Variants in PAICS observed in about 807,000 individuals in gnomAD.
The protein encoded by PAICS is bifunctional phosphoribosylaminoimidazole carboxylase/phosphoribosylaminoimidazole succinocarboxamide synthetase.
Under a neutral mutation model 53.7 loss-of-function variants are expected in PAICS, and 33 were observed. The observed-to-expected ratio is 0.61, with a 90% CI of 0.47 to 0.82. The LOEUF (loss-of-function observed/expected upper bound fraction) is 0.82, where lower values mean the gene tolerates loss of function less well. PAICS is among the 40% of genes least tolerant of loss of function. The pLI is 0.00. For missense variants in PAICS, 394 were observed against 494.1 expected, an observed-to-expected ratio of 0.80 and a Z score of 1.92; for synonymous variants, 141 against 167.2, an observed-to-expected ratio of 0.84 and a Z score of 1.21.
chr4:56,425,373 T>C, the PAICS span: 5,153 of 738,352 alleles, frequency 7.0e-3, 248 homozygotes, highest in African/African-American at 0.091. Flanking sequence ...AATCCAATAG[T>C]ACATCCAGAT....
chr4:56,446,349 T>A, intron 2 of PAICS: 1 of 717,736 alleles, frequency 1.4e-6, no homozygotes, highest in East Asian at 2.7e-5. Context: ...TGAATTTGCC[T>A]ATTCTAGTTA....
At chr4:56,436,448 G>T (rs1048163879) in intron 1 of PAICS, 120 bp downstream of exon 1, 34 of 872,292 alleles carry the variant, frequency 3.9e-5, no homozygotes, top group Non-Finnish European at 6.1e-5. Context: ...CTAGGCAGCC[G>T]CGCGGGCGCA....
chr4:56,425,251 A>C, the PAICS span: 5 of 153,928 alleles, frequency 3.2e-5, no homozygotes, highest in Admixed American at 1.3e-4. Context: ...ATATTTAAAC[A>C]CTTTTGTATA....
chr4:56,428,361 A>C, the PAICS span, among the ~76,000 whole-genome samples: 1 of 152,218 alleles, frequency 6.6e-6, no homozygotes, highest in East Asian at 1.9e-4. Flanking sequence ...CTGATGAAAA[A>C]ATTAAGCGAA....
chr4:56,460,594 G>C lies in PAICS; in HGVS notation c.*1056G>C, dbSNP rs949873752. 8 of 152,138 alleles carry C rather than the reference G, an allele frequency of 5.3e-5. No homozygotes were observed. The highest frequency in any genetic ancestry group is 1.7e-4 in the African/African-American group (7 of 41,396). The allele number at this position is 152,138 out of a possible 1,614,324, so 9.4% of individuals were successfully genotyped here. A position where few individuals can be genotyped will look rare whatever the true frequency, so the allele number is the denominator to read the frequency against. ...ATACATGCTGTTGACCCTCTCTGTA[G>C]AAAACCGCACACATAAAACTTACCA... On this transcript the variant is annotated 3_prime_UTR_variant, in exon 9 of 9. Transcript: ENST00000512576.
the PAICS span, among the ~76,000 whole-genome samples, chr4:56,413,026 C>T: frequency 6.6e-6 from 1 of 152,024 alleles, no homozygotes; most frequent in Admixed American, 6.5e-5. Flanking sequence ...CACCCCCATG[C>T]AAATGATACT....
chr4:56,454,485 G>A (rs79319986), intron 8 of PAICS, among the ~76,000 whole-genome samples: 7,534 of 152,126 alleles, frequency 0.05, 604 homozygotes, highest in African/African-American at 0.17. Context: ...AAAGACTAGT[G>A]GTAGTTTCTT....
At chr4:56,441,955 T>G in intron 2 of PAICS, 95 bp downstream of exon 2, 1 of 777,022 alleles carries the variant, frequency 1.3e-6, no homozygotes, top group African/African-American at 1.8e-5. Context: ...ACAACTTGTT[T>G]GCAGATGTCT....
the PAICS span, among the ~76,000 whole-genome samples, chr4:56,412,664 T>A: frequency 3.3e-5 from 5 of 152,338 alleles, no homozygotes; most frequent in East Asian, 9.6e-4. Flanking sequence ...CAGAAACATT[T>A]GAGATATCCT....
chr4:56,448,817 C>G lies in PAICS; in HGVS notation c.681C>G (p.Asp227Glu). 6.6e-7 allele frequency: 1 copy of G among 1,512,720 alleles called. No individual in the cohort carries two copies. Among genetic ancestry groups the G allele is most frequent in the Non-Finnish European group, 9.1e-7 (1 of 1,098,182 alleles). 93.7% of individuals were successfully genotyped at this position (1,512,720 alleles called of 1,614,324 possible). Residue 227 changes from aspartate (D) to glutamate (E), a missense_variant, in exon 5 of 9, where the codon GAC (aspartate) becomes GAG (glutamate). Physicochemically the swap from Asp to Glu is conservative, Grantham distance 45 (BLOSUM62 2). This residue lies in a region of PAICS where 131 missense variants were observed against 205.5 expected (regional missense o/e 0.64). Transcript: ENST00000512576. ...CAGGAGATCGAAGCCAACAGAAAGA[C>G]AAACAGGTAGATAATGCTTCAGGTT... Reference protein sequence around the residue: ...WPSGDRSQQKDKQSYRDLKEV... With the variant: ...WPSGDRSQQKEKQSYRDLKEV...
chr4:56,414,879 C>A, the PAICS span, among the ~76,000 whole-genome samples: 1 of 152,202 alleles, frequency 6.6e-6, no homozygotes, highest in Admixed American at 6.5e-5. Flanking sequence ...CATTCCTCGA[C>A]AACATTTTAG....
Position 56,441,833 on chromosome 4 carries a change from T to A in PAICS, c.187T>A (p.Cys63Ser). 6.3e-7 allele frequency: 1 copy of A among 1,597,688 alleles called. No homozygotes were observed. The highest frequency in any genetic ancestry group is 8.5e-7 in the Non-Finnish European group (1 of 1,171,784). The change falls in exon 2 of 9, where the codon TGT (cysteine) becomes AGT (serine). Residue 63 changes from cysteine to serine, a missense_variant. By Grantham distance (112) the Cys-to-Ser change is moderately radical (BLOSUM62 -1). Transcript: ENST00000512576. ...TGCAATCTCAAATAAAATCACCAGT[T>A]GTATTTTTCAGTTATTACAGGAAGC... ...KAAISNKITS[C>S]IFQLLQEAGI...
intron 8 of PAICS, among the ~76,000 whole-genome samples, chr4:56,455,632 A>T (rs1719155075): frequency 6.6e-6 from 1 of 152,228 alleles, no homozygotes; most frequent in South Asian, 2.1e-4. Flanking sequence ...GTGTATATTG[A>T]AGCCCTATAC....
At chr4:56,414,557 C>A in the PAICS span, among the ~76,000 whole-genome samples, 1 of 152,224 alleles carries the variant, frequency 6.6e-6, no homozygotes, top group Non-Finnish European at 1.5e-5. Flanking sequence ...AAGACTTTCA[C>A]TTTAAAATCT....
chr4:56,433,090 T>C (rs962011907), upstream of PAICS, among the ~76,000 whole-genome samples: 1 of 151,710 alleles, frequency 6.6e-6, no homozygotes, highest in African/African-American at 2.4e-5. Flanking sequence ...ATAATTGTAT[T>C]TCCAAGACAT....
chr4:56,428,574 G>C, the PAICS span, among the ~76,000 whole-genome samples: 1 of 151,952 alleles, frequency 6.6e-6, no homozygotes. Context: ...TGCATCCTAA[G>C]AAAACCAACT....
rs549676093 is a variant in PAICS, at chr4:56,457,383, G to A, written c.1112-1989G>A. On this transcript the variant is annotated intron_variant, in intron 8 of 8. Transcript: ENST00000512576. ...AGCCGTGATTGCACCACTGCACTCCGGATGACAGAGCGAGACCGTGTCTCA... is the reference window on the plus strand; with the variant it reads ...AGCCGTGATTGCACCACTGCACTCCAGATGACAGAGCGAGACCGTGTCTCA... Among the ~76,000 whole-genome samples, 128 of 152,218 alleles carry A rather than the reference G, an allele frequency of 8.4e-4. 5 individuals carry two copies. The South Asian group carries it at 0.025, about 29-fold the overall frequency.
chr4:56,436,749 C>A (rs1286178742), intron 1 of PAICS, among the ~76,000 whole-genome samples: 1 of 152,154 alleles, frequency 6.6e-6, no homozygotes, highest in African/African-American at 2.4e-5. Context: ...AATCCCAGCA[C>A]TTTGGGAGGC....
rs187054445 is a variant in PAICS at position 56,443,463 on chromosome 4, C to T, written c.214+1603C>T. On this transcript the variant is annotated intron_variant, in intron 2 of 8. Coordinates refer to ENST00000512576, the MANE Select transcript of PAICS (RefSeq NM_001079524.2). ...TTGGCCTCCCAAAGTGCTGGGATTA[C>T]AGGCGTAAGCCACCACACCCGGCCT... is the stretch of plus-strand genomic sequence containing the variant. 3.9e-3 allele frequency among the ~76,000 whole-genome samples: 584 copies of T among 151,458 alleles called. 5 individuals carry two copies. The highest frequency in any genetic ancestry group is 0.013 in the African/African-American group (536 of 41,410).
Sources: gnomAD v4.1 joint callset for allele counts (sites outside exome capture counted in the v4.1 genomes callset) on GRCh38, gnomAD v4.1.1 for gene constraint, gnomAD v4.1.1 regional missense constraint, MANE v1.5 for transcripts, NCBI Gene and HGNC (gene_info 2026-07-23, HGNC 2026-07-21) for gene names.